TMPRSS4: variants seen among roughly 807,000 people sequenced by gnomAD.
TMPRSS4 encodes the protein transmembrane serine protease 4, also known as transmembrane protease serine 4.
TMPRSS4 carries 45 observed loss-of-function variants against 56.4 expected under a neutral mutation model. That is an observed-to-expected ratio of 0.80 (90% CI 0.63 to 1.02). The LOEUF (loss-of-function observed/expected upper bound fraction) is 1.02. Ranked by LOEUF, TMPRSS4 falls within the 50% of genes least tolerant of loss-of-function variation. TMPRSS4 has a pLI of 0.00. For synonymous variants in TMPRSS4, 205 were observed against 211.0 expected, an observed-to-expected ratio of 0.97 and a Z score of 0.25; for missense variants, 546 against 556.7, an observed-to-expected ratio of 0.98 and a Z score of 0.19.
intron 1 of TMPRSS4, among the ~76,000 whole-genome samples, chr11:118,086,232 G>A (rs1023209797): frequency 3.9e-5 from 6 of 152,358 alleles, no homozygotes; most frequent in East Asian, 1.9e-4. Context: ...GAACACAAAA[G>A]CTGATTCTTA....
Position 118,077,163 on chromosome 11 carries a change from G to A in TMPRSS4, c.-140G>A, listed in dbSNP as rs1177052513. ...AGGGACCAAGGCCTGCCCTGCACTC[G>A]GGCCTCCTCCAGCCAGTGCTGACCA... On this transcript the variant is annotated 5_prime_UTR_variant, in exon 1 of 13. Transcript: ENST00000437212. The A allele has an allele frequency of 2.9e-5, 29 of 1,005,038 alleles. No individual in the cohort carries two copies. The highest frequency in any genetic ancestry group is 3.7e-5 in the Non-Finnish European group (26 of 694,802). The allele number at this position is 1,005,038 out of a possible 1,614,324, so 62.3% of individuals were successfully genotyped here.
intron 7 of TMPRSS4, among the ~76,000 whole-genome samples, chr11:118,111,454 G>C (rs910135615): frequency 6.6e-6 from 1 of 151,894 alleles, no homozygotes; most frequent in African/African-American, 2.4e-5. Context: ...CAGATTCCCA[G>C]CACAACGGAC....
At chr11:118,083,540 A>G (rs1369503594) in intron 1 of TMPRSS4, among the ~76,000 whole-genome samples, 1 of 152,168 alleles carries the variant, frequency 6.6e-6, no homozygotes, top group Non-Finnish European at 1.5e-5. Flanking sequence ...GCTCCTTCCC[A>G]TTAACAATAA....
chr11:118,077,356 A>T, intron 1 of TMPRSS4, 51 bp downstream of exon 1: 1 of 1,554,452 alleles, frequency 6.4e-7, no homozygotes, highest in Non-Finnish European at 8.7e-7. Flanking sequence ...GGGTCTCCCC[A>T]TGTAAGGCCC....
At position 118,115,223 on chromosome 11, in the gene TMPRSS4, A is replaced by C. The variant is rs369196391; in HGVS notation, c.1095A>C (p.Glu365Asp). 7 of 1,612,812 alleles carry C rather than the reference A, an allele frequency of 4.3e-6. No individual in the cohort carries two copies. In the South Asian group the frequency reaches 4.4e-5, roughly 10 times the overall value. ...ATGCAGACGATGCGTACCAGGGGGA[A>C]GTCACCGAGAAGATGATGTGTGCAG... Reference protein sequence around the residue: ...RCNADDAYQGEVTEKMMCAGI... With the variant: ...RCNADDAYQGDVTEKMMCAGI... Residue 365 changes from glutamate (E) to aspartate (D), a missense_variant, in exon 11 of 13, where the codon GAA (glutamate) becomes GAC (aspartate). Coordinates refer to ENST00000437212, the MANE Select transcript of TMPRSS4 (RefSeq NM_019894.4).
At chr11:118,093,160 C>T (rs574440043) in intron 1 of TMPRSS4, among the ~76,000 whole-genome samples, 6 of 152,328 alleles carry the variant, frequency 3.9e-5, no homozygotes, top group African/African-American at 9.6e-5. Flanking sequence ...ACTACAGGCT[C>T]GTTTGGGAGG....
At chr11:118,104,549 C>T in intron 4 of TMPRSS4, 142 bp from the exon 5 acceptor site, 1 of 1,335,824 alleles carries the variant, frequency 7.5e-7, no homozygotes, top group Non-Finnish European at 1.0e-6. Flanking sequence ...GGAAGAAATT[C>T]CCTTGACATT....
intron 4 of TMPRSS4, among the ~76,000 whole-genome samples, chr11:118,103,840 A>T (rs908371976): frequency 1.3e-5 from 2 of 152,242 alleles, no homozygotes; most frequent in African/African-American, 4.8e-5. Flanking sequence ...GGTGGATTTC[A>T]GGCAGAGGGC....
At chr11:118,089,780 G>C (rs1565415164) in intron 1 of TMPRSS4, among the ~76,000 whole-genome samples, 1 of 152,182 alleles carries the variant, frequency 6.6e-6, no homozygotes, top group Non-Finnish European at 1.5e-5. Context: ...CTTCTCTATA[G>C]AAAAGATTCT....
At chr11:118,093,929 T>A (rs1231122030) in intron 1 of TMPRSS4, among the ~76,000 whole-genome samples, 1 of 152,210 alleles carries the variant, frequency 6.6e-6, no homozygotes, top group Non-Finnish European at 1.5e-5. Context: ...CTTCCCTTCA[T>A]CATTATGTCC....
chr11:118,084,258 G>A (rs1945374471), intron 1 of TMPRSS4, among the ~76,000 whole-genome samples: 1 of 152,082 alleles, frequency 6.6e-6, no homozygotes, highest in South Asian at 2.1e-4. Context: ...TAGGCTGCAG[G>A]ATTCCACGGC....
Position 118,111,839 on chromosome 11 carries a change from C to T in TMPRSS4, c.682C>T (p.His228Tyr). 1 of 1,608,192 alleles carries T rather than the reference C, an allele frequency of 6.2e-7. No individual in the cohort carries two copies. Among genetic ancestry groups the T allele is most frequent in the Non-Finnish European group, 8.5e-7 (1 of 1,177,648 alleles). The change falls in exon 8 of 13, where the codon CAC becomes TAC. Residue 228 changes from histidine (H) to tyrosine (Y), a missense_variant. Transcript: ENST00000437212. ...GGTCAGCATCCAGTACGACAAACAG[C>T]ACGTCTGTGGAGGGAGCATCCTGGA... Reference protein sequence around the residue: ...WQVSIQYDKQHVCGGSILDPH... With the variant: ...WQVSIQYDKQYVCGGSILDPH...
chr11:118,087,646 T>C (rs1402603491), intron 1 of TMPRSS4: 1 of 152,240 alleles, frequency 6.6e-6, no homozygotes, highest in Non-Finnish European at 1.5e-5. Flanking sequence ...CTTCACTCCA[T>C]TTAAAAACAA....
chr11:118,098,980 T>G lies in TMPRSS4; in HGVS notation c.44-5T>G. On this transcript the variant is annotated splice_polypyrimidine_tract_variant and splice_region_variant and intron_variant, in intron 2 of 12. Coordinates refer to ENST00000437212, the MANE Select transcript of TMPRSS4 (RefSeq NM_019894.4). ...TCTTCCCCTCTGCCTCCCATTTTCT[T>G]GCAGATGTCAAACCCCTGCGCAAAC... 5 of 1,609,798 alleles carry G rather than the reference T, an allele frequency of 3.1e-6. No individual in the cohort carries two copies. Among genetic ancestry groups the G allele is most frequent in the Non-Finnish European group, 4.2e-6 (5 of 1,176,936 alleles).
At chr11:118,108,508 T>A in intron 6 of TMPRSS4, 1 of 275,678 alleles carries the variant, frequency 3.6e-6, no homozygotes, top group East Asian at 7.1e-5. Context: ...TAAAATTCTA[T>A]CAAAATCCCA....
intron 1 of TMPRSS4, among the ~76,000 whole-genome samples, chr11:118,084,758 C>T (rs377656189): frequency 6.6e-5 from 10 of 152,230 alleles, no homozygotes; most frequent in East Asian, 5.8e-4. Flanking sequence ...ATCAATAATT[C>T]TCACCAACAA....
intron 7 of TMPRSS4, among the ~76,000 whole-genome samples, chr11:118,111,450 C>T (rs1947272247): frequency 6.6e-6 from 1 of 152,090 alleles, no homozygotes; most frequent in Admixed American, 6.5e-5. Flanking sequence ...GTCACAGATT[C>T]CCAGCACAAC....
intron 1 of TMPRSS4, among the ~76,000 whole-genome samples, chr11:118,084,580 G>C (rs542063252): frequency 6.6e-6 from 1 of 152,202 alleles, no homozygotes; most frequent in African/African-American, 2.4e-5. Context: ...CAGAACAAAC[G>C]AGAATCCTCA....
intron 2 of TMPRSS4, among the ~76,000 whole-genome samples, chr11:118,096,519 TA>T (rs1464566446): frequency 2.0e-5 from 3 of 152,092 alleles, no homozygotes; most frequent in Non-Finnish European, 4.4e-5. Flanking sequence ...CATGGTGGCT[TA>T]TGCCAGTAAT....
Sources: allele counts gnomAD v4.1 joint callset (sites outside exome capture counted in the v4.1 genomes callset), GRCh38; gene constraint gnomAD v4.1.1; transcripts MANE v1.5; gene names NCBI Gene and HGNC (gene_info 2026-07-23, HGNC 2026-07-21).